ATRNL1: variants seen among roughly 807,000 people sequenced by gnomAD.
ATRNL1 encodes attractin-like protein 1.
In ATRNL1, 95 loss-of-function variants were observed where a neutral mutation model predicts 182.7. That is an observed-to-expected ratio of 0.52 (90% confidence interval 0.44 to 0.62). The LOEUF is 0.62. Among genes scored for constraint, ATRNL1 ranks in the 20% least tolerant of loss-of-function variants. The pLI is 0.00. For missense variants in ATRNL1, 1,471 were observed against 1,679.5 expected (o/e 0.88, Z 2.17); for synonymous variants, 576 against 568.3 (o/e 1.01, Z -0.19).
chr10:115,546,292 C>T (rs766941128), intron 25 of ATRNL1, among the ~76,000 whole-genome samples: 5 of 151,840 alleles, frequency 3.3e-5, no homozygotes, highest in Middle Eastern at 3.2e-3. Flanking sequence ...TGGCCAGGTG[C>T]GGTGGCTCAC....
chr10:115,385,439 A>G (rs1430468434), intron 19 of ATRNL1, among the ~76,000 whole-genome samples: 1 of 152,102 alleles, frequency 6.6e-6, no homozygotes, highest in African/African-American at 2.4e-5. Context: ...AATTTTAAGA[A>G]GTCTTATAAT....
At chr10:115,738,125 G>GTTTTTTTTTTTTTTTTTTTTTTTTTT (rs1565334914) in intron 27 of ATRNL1, among the ~76,000 whole-genome samples, 3 of 53,150 alleles carry the variant, frequency 5.6e-5, no homozygotes, top group African/African-American at 1.1e-4. Context: ...AGAAGATAAT[G>GTTTTTTTTTTTTTTTTTTTTTTTTTT]ATTTTTTTTT....
At chr10:115,647,293 G>C (rs373600165) in intron 26 of ATRNL1, among the ~76,000 whole-genome samples, 4 of 152,016 alleles carry the variant, frequency 2.6e-5, no homozygotes, top group African/African-American at 7.2e-5. Flanking sequence ...AGCATGATTT[G>C]TAATCCTTTG....
At chr10:115,106,302 A>T (rs1274685929) in intron 1 of ATRNL1, among the ~76,000 whole-genome samples, 1 of 152,158 alleles carries the variant, frequency 6.6e-6, no homozygotes, top group Non-Finnish European at 1.5e-5. Flanking sequence ...TCCAATACCT[A>T]TACCCCCATT....
intron 5 of ATRNL1, among the ~76,000 whole-genome samples, chr10:115,158,480 G>A (rs942221397): frequency 3.3e-5 from 5 of 151,860 alleles, no homozygotes; most frequent in African/African-American, 2.4e-5. Flanking sequence ...GATTACTAAG[G>A]AATAGTTCAC....
chr10:115,562,181 A>G (rs923387449), intron 26 of ATRNL1, among the ~76,000 whole-genome samples: 35 of 152,330 alleles, frequency 2.3e-4, no homozygotes, highest in South Asian at 4.1e-4. Flanking sequence ...ATGGAATATT[A>G]TTCTACATTA....
At chr10:115,821,230 G>A (rs2134282738) in intron 27 of ATRNL1, among the ~76,000 whole-genome samples, 1 of 152,202 alleles carries the variant, frequency 6.6e-6, no homozygotes, top group Admixed American at 6.5e-5. Context: ...CTCATAAATA[G>A]TTGCAAAGAT....
intron 26 of ATRNL1, among the ~76,000 whole-genome samples, chr10:115,679,715 T>A (rs1945986801): frequency 6.6e-6 from 1 of 152,104 alleles, no homozygotes; most frequent in Non-Finnish European, 1.5e-5. Flanking sequence ...TTGATACTGA[T>A]TAAATTTTAA....
At chr10:115,504,715 CTTAAG>C (rs1222916751) in intron 24 of ATRNL1, among the ~76,000 whole-genome samples, 1 of 152,024 alleles carries the variant, frequency 6.6e-6, no homozygotes, top group Non-Finnish European at 1.5e-5. Flanking sequence ...AAAGATTTTA[CTTAAG>C]TTAAATAAAC....
intron 9 of ATRNL1, among the ~76,000 whole-genome samples, chr10:115,223,477 CAG>C (rs1439982575): frequency 6.6e-6 from 1 of 151,702 alleles, no homozygotes; most frequent in Non-Finnish European, 1.5e-5. Flanking sequence ...TAATTTATAA[CAG>C]TGTTGAAATA....
chr10:115,854,576 C>T (rs1951135772), intron 28 of ATRNL1, among the ~76,000 whole-genome samples: 1 of 152,208 alleles, frequency 6.6e-6, no homozygotes, highest in Non-Finnish European at 1.5e-5. Flanking sequence ...CTCTCACCTG[C>T]TGAGCAGCAG....
At chr10:115,170,441 G>A (rs1354858266) in intron 7 of ATRNL1, among the ~76,000 whole-genome samples, 1 of 152,036 alleles carries the variant, frequency 6.6e-6, no homozygotes, top group Non-Finnish European at 1.5e-5. Context: ...TGTGGTGTCT[G>A]TCTATAGCCA....
At chr10:115,188,360 T>C (rs1848037059) in intron 8 of ATRNL1, among the ~76,000 whole-genome samples, 1 of 152,182 alleles carries the variant, frequency 6.6e-6, no homozygotes, top group East Asian at 1.9e-4. Flanking sequence ...TGTCCTTTTT[T>C]GTTATACTTA....
At chr10:115,099,354 A>G (rs782504757) in intron 1 of ATRNL1, among the ~76,000 whole-genome samples, 1 of 152,168 alleles carries the variant, frequency 6.6e-6, no homozygotes, top group Non-Finnish European at 1.5e-5. Context: ...GATTGTTTCA[A>G]ATTTTTGGCT....
intron 19 of ATRNL1, among the ~76,000 whole-genome samples, chr10:115,366,879 G>A (rs1322236635): frequency 4.9e-5 from 7 of 142,486 alleles, no homozygotes; most frequent in Non-Finnish European, 7.6e-5. Flanking sequence ...GGTTTCTGCC[G>A]AGAGATCCAC....
In ATRNL1 at chr10:115,918,269, T is replaced by G. The variant is rs373904133; in HGVS notation, c.4019-26389T>G. On this transcript the variant is annotated intron_variant, in intron 28 of 28. Transcript: ENST00000355044. ...GCGTGCACCACTGTAGCTGGCTAAT[T>G]GTTTTGTATTTGTAGTAGAGACGGG... is the stretch of plus-strand genomic sequence containing the variant. 1.4e-4 allele frequency among the ~76,000 whole-genome samples: 21 copies of G among 152,126 alleles called. No homozygotes were observed. The East Asian group carries it at 2.9e-3, about 21-fold the overall frequency.
At chr10:115,657,346 C>G (rs1164488440) in intron 26 of ATRNL1, among the ~76,000 whole-genome samples, 2 of 152,106 alleles carry the variant, frequency 1.3e-5, no homozygotes, top group African/African-American at 4.8e-5. Context: ...TTTGGTGACT[C>G]ATCCACCATG....
chr10:115,601,746 TATTTA>T (rs1856604657), intron 26 of ATRNL1, among the ~76,000 whole-genome samples: 1 of 152,174 alleles, frequency 6.6e-6, no homozygotes, highest in South Asian at 2.1e-4. Context: ...CTTGTCTGCT[TATTTA>T]ATTTAAAAGT....
At chr10:115,891,227 T>C (rs925322724) in intron 28 of ATRNL1, among the ~76,000 whole-genome samples, 1 of 152,112 alleles carries the variant, frequency 6.6e-6, no homozygotes, top group Admixed American at 6.6e-5. Flanking sequence ...TGGAAGAACA[T>C]TGGGAGTGAG....
Sources: gnomAD v4.1 joint callset for allele counts (sites outside exome capture counted in the v4.1 genomes callset) on GRCh38, gnomAD v4.1.1 for gene constraint, MANE v1.5 for transcripts, NCBI Gene and HGNC (gene_info 2026-07-23, HGNC 2026-07-21) for gene names.